Variants in MUC13 observed in about 807,000 individuals in gnomAD.
MUC13 encodes mucin-13.
A neutral mutation model predicts 48.3 loss-of-function variants in MUC13; 32 were observed. The observed-to-expected ratio is 0.66, with a 90% CI of 0.50 to 0.89. The LOEUF (loss-of-function observed/expected upper bound fraction) is 0.89, where lower values mean the gene tolerates loss of function less well. Among genes scored for constraint, MUC13 ranks in the 40% least tolerant of loss-of-function variants. The pLI, the probability that MUC13 is intolerant of heterozygous loss-of-function variation, is 0.00. For missense variants in MUC13, 571 were observed against 622.8 expected, an observed-to-expected ratio of 0.92 and a Z score of 0.88; for synonymous variants, 199 against 224.9, an observed-to-expected ratio of 0.88 and a Z score of 1.03.
At chr3:124,927,106 C>T (rs748226218) in intron 2 of MUC13, among the ~76,000 whole-genome samples, 6 of 152,166 alleles carry the variant, frequency 3.9e-5, no homozygotes, top group Non-Finnish European at 7.4e-5. Context: ...CACCATCTTA[C>T]AAGGGTAGAA....
rs1470099773 is a variant in MUC13, at chr3:124,905,693, A to T, written c.*1050T>A. 6.5e-6 allele frequency: 1 copy of T among 153,070 alleles called. No individual in the cohort carries two copies. Among genetic ancestry groups the T allele is most frequent in the East Asian group, 1.9e-4 (1 of 5,192 alleles). The allele number at this position is 153,070 out of a possible 1,614,324, so 9.5% of individuals were successfully genotyped here. ...GAGAAGGCTGAGGCCCCAATGGCACACCTCAGAAACCTACACCCCGAGGCT... is the reference window on the plus strand; with the variant it reads ...GAGAAGGCTGAGGCCCCAATGGCACTCCTCAGAAACCTACACCCCGAGGCT... On this transcript the variant is annotated 3_prime_UTR_variant, in exon 12 of 12. Coordinates refer to ENST00000616727, the MANE Select transcript of MUC13 (RefSeq NM_033049.4).
intron 6 of MUC13, among the ~76,000 whole-genome samples, chr3:124,914,080 T>G (rs1004744401): frequency 8.6e-5 from 13 of 151,850 alleles, no homozygotes; most frequent in Admixed American, 3.3e-4. Context: ...TAAAAATAAA[T>G]AAAGAAATAA....
chr3:124,922,213 C>T lies in MUC13; in HGVS notation c.728G>A (p.Ser243Asn), dbSNP rs1935608541. The change falls in exon 4 of 12, where the codon AGT (serine) becomes AAT (asparagine). Residue 243 changes from serine to asparagine, a missense_variant. Physicochemically the swap from Ser to Asn is conservative, Grantham distance 46 (BLOSUM62 1). Coordinates refer to ENST00000616727, the MANE Select transcript of MUC13 (RefSeq NM_033049.4). ...KHSMAYQDLH[S>N]EITSLFKDVF... ...AATACTTACCAAGCTAGTAATTTCACTATGCAAGTCTTGATAGGCCATGGA... is the reference window on the plus strand; with the variant it reads ...AATACTTACCAAGCTAGTAATTTCATTATGCAAGTCTTGATAGGCCATGGA... The T allele has an allele frequency of 1.2e-6, 2 of 1,613,802 alleles. No homozygotes were observed. Among genetic ancestry groups the T allele is most frequent in the Non-Finnish European group, 1.7e-6 (2 of 1,179,940 alleles).
At chr3:124,908,109 T>C in intron 11 of MUC13, 38 bp downstream of exon 11, 1 of 1,607,946 alleles carries the variant, frequency 6.2e-7, no homozygotes, top group Non-Finnish European at 8.5e-7. Context: ...CCTGGTGCAT[T>C]CACTCCCAAA....
rs372823172 is a variant in MUC13, at chr3:124,909,485, C to CATGTGTGTGTGTGT, written c.1337+929_1337+930insACACACACACACAT. Among the ~76,000 whole-genome samples the CATGTGTGTGTGTGT allele has an allele frequency of 7.9e-3, 1,167 of 148,450 alleles. 17 individuals are homozygous for CATGTGTGTGTGTGT. The highest frequency in any genetic ancestry group is 0.015 in the Admixed American group (225 of 14,836). ...TGCAGAGATGACACGTGTGTGCTTGCGTGTGTGTGTGTGTGTGTGTGTGTG... is the reference window on the plus strand; with the variant it reads ...TGCAGAGATGACACGTGTGTGCTTGCATGTGTGTGTGTGTGTGTGTGTGTGTGTGTGTGTGTGTG... On this transcript the variant is annotated intron_variant, in intron 10 of 11. Transcript: ENST00000616727.
At chr3:124,916,263 A>G (rs1935509482) in intron 6 of MUC13, 54 bp downstream of exon 6, 1 of 1,403,036 alleles carries the variant, frequency 7.1e-7, no homozygotes, top group Non-Finnish European at 9.9e-7. Flanking sequence ...AAGGTTTACA[A>G]AAAAGGTAGG....
rs561811909 is a variant in MUC13 at position 124,933,380 on chromosome 3, C to T, written c.52+1281G>A. ...TTAAAAACTCTTAGAGGTCAACAAGCGCTGTAAGGACTGATCCACCAAAGA... is the reference window on the plus strand; with the variant it reads ...TTAAAAACTCTTAGAGGTCAACAAGTGCTGTAAGGACTGATCCACCAAAGA... On this transcript the variant is annotated intron_variant, in intron 1 of 11. Coordinates refer to ENST00000616727, the MANE Select transcript of MUC13 (RefSeq NM_033049.4). Among the ~76,000 whole-genome samples the T allele has an allele frequency of 5.2e-4, 79 of 152,248 alleles. 2 individuals are homozygous for T. In the South Asian group the frequency reaches 0.015, roughly 28 times the overall value.
chr3:124,908,585 G>A (rs1343907788), intron 10 of MUC13, among the ~76,000 whole-genome samples: 10 of 152,092 alleles, frequency 6.6e-5, no homozygotes, highest in Non-Finnish European at 2.9e-5. Flanking sequence ...ACAGTTTTAT[G>A]AAAGAATAAG....
At chr3:124,913,414 C>G in intron 7 of MUC13, 148 bp downstream of exon 7, 2 of 1,445,044 alleles carry the variant, frequency 1.4e-6, no homozygotes, top group Non-Finnish European at 1.9e-6. Context: ...TAGCAAAGGT[C>G]CCAGCCATGG....
chr3:124,908,004 C>T lies in MUC13; in HGVS notation c.*143G>A, dbSNP rs969178287. 6 of 374,516 alleles carry T rather than the reference C, an allele frequency of 1.6e-5. No individual in the cohort carries two copies. In the East Asian group the frequency reaches 3.8e-4, roughly 23 times the overall value. The allele number at this position is 374,516 out of a possible 1,614,324, so 23.2% of individuals were successfully genotyped here. A position where few individuals can be genotyped will look rare whatever the true frequency, so the allele number is the denominator to read the frequency against. On this transcript the variant is annotated intron_variant, in intron 11 of 11. Transcript: ENST00000616727. ...GACAGCAGGGAACTTCCTTTTTGAT[C>T]TCTCTCTCTCTCTCTCTTTCAATTA...
intron 1 of MUC13, among the ~76,000 whole-genome samples, chr3:124,930,411 A>G (rs996560285): frequency 2.6e-5 from 4 of 152,114 alleles, no homozygotes; most frequent in Non-Finnish European, 4.4e-5. Flanking sequence ...GTTTTATCTG[A>G]GGGTTGTATA....
chr3:124,922,398 CA>C (rs1935613271), intron 3 of MUC13, 95 bp from the exon 4 acceptor site: 3 of 1,418,384 alleles, frequency 2.1e-6, no homozygotes, highest in East Asian at 5.0e-5. Flanking sequence ...GAATTCCCAA[CA>C]TTATATAACG....
Position 124,910,411 on chromosome 3 carries a change from A to T in MUC13, c.1337+4T>A. ...AATTTAAAAAGGACACTTTCATCCC[A>T]TACCTTGCTGTGACAATCAATGCAA... is the stretch of plus-strand genomic sequence containing the variant. On this transcript the variant is annotated splice_donor_region_variant and intron_variant, in intron 10 of 11. Transcript: ENST00000616727. 1 of 1,613,910 alleles carries T rather than the reference A, an allele frequency of 6.2e-7. No individual in the cohort carries two copies. Among genetic ancestry groups the T allele is most frequent in the South Asian group, 1.1e-5 (1 of 91,046 alleles).
intron 3 of MUC13, 75 bp downstream of exon 3, chr3:124,923,452 C>T: frequency 6.7e-7 from 1 of 1,492,500 alleles, no homozygotes; most frequent in Non-Finnish European, 9.1e-7. Context: ...CTCCTTTTGC[C>T]ATCATTTTGA....
intron 2 of MUC13, among the ~76,000 whole-genome samples, chr3:124,924,434 G>A (rs574540805): frequency 2.4e-4 from 37 of 152,296 alleles, no homozygotes; most frequent in Middle Eastern, 3.4e-3. Context: ...CTGTCAAGTG[G>A]AATGATTCTG....
Position 124,933,133 on chromosome 3 carries a change from C to A in MUC13, c.52+1528G>T, listed in dbSNP as rs143846342. Among the ~76,000 whole-genome samples, 411 of 152,238 alleles carry A rather than the reference C, an allele frequency of 2.7e-3. 3 individuals carry two copies. Among genetic ancestry groups the A allele is most frequent in the African/African-American group, 9.6e-3 (397 of 41,536 alleles). Reference sequence around the variant, plus strand: ...CTCCTGTGCAGCTAGCCTTCTCCAACCTTCCAGCATTAAGAGCTTGAAACC... The same window carrying A: ...CTCCTGTGCAGCTAGCCTTCTCCAAACTTCCAGCATTAAGAGCTTGAAACC... On this transcript the variant is annotated intron_variant, in intron 1 of 11. Transcript: ENST00000616727.
intron 3 of MUC13, 58 bp downstream of exon 3, chr3:124,923,469 G>T: frequency 3.2e-6 from 5 of 1,547,852 alleles, no homozygotes; most frequent in Non-Finnish European, 4.4e-6. Flanking sequence ...TTGAGTTTTC[G>T]ATTCCACTTT....
At position 124,934,743 on chromosome 3, in the gene MUC13, G is replaced by A; in HGVS notation, c.-31C>T. ...CTGTTCTTGCTTGGTAATCTGAGGA[G>A]GAAATGATTTCCCTTCCTGGCTACC... On this transcript the variant is annotated 5_prime_UTR_variant, in exon 1 of 12. Coordinates refer to ENST00000616727, the MANE Select transcript of MUC13 (RefSeq NM_033049.4). 1 of 1,561,034 alleles carries A rather than the reference G, an allele frequency of 6.4e-7. No homozygotes were observed. The highest frequency in any genetic ancestry group is 1.7e-5 in the Admixed American group (1 of 59,826).
intron 1 of MUC13, among the ~76,000 whole-genome samples, chr3:124,932,000 G>T (rs756986536): frequency 6.6e-6 from 1 of 151,922 alleles, no homozygotes; most frequent in South Asian, 2.1e-4. Flanking sequence ...AGCCAAGATG[G>T]CGCCATTGCA....
Sources: allele counts gnomAD v4.1 joint callset (sites outside exome capture counted in the v4.1 genomes callset), GRCh38; gene constraint gnomAD v4.1.1; transcripts MANE v1.5; gene names NCBI Gene and HGNC (gene_info 2026-07-23, HGNC 2026-07-21).